The following SOS2 variants were observed in gnomAD, a reference collection of about 807,000 sequenced individuals.
The protein encoded by SOS2 is SOS Ras/Rho guanine nucleotide exchange factor 2.
In SOS2, 65 loss-of-function variants were observed where a neutral mutation model predicts 148.2. That is an observed-to-expected ratio of 0.44 (90% CI 0.36 to 0.54). The LOEUF (loss-of-function observed/expected upper bound fraction) is 0.54. SOS2 is among the 20% of genes least tolerant of loss of function. The pLI is 0.00. For synonymous variants in SOS2, 539 were observed against 537.1 expected (o/e 1.00, Z -0.05); for missense variants, 1,341 against 1,590.2 (o/e 0.84, Z 2.67).
intron 1 of SOS2, among the ~76,000 whole-genome samples, chr14:50,216,894 T>C (rs186725338): frequency 3.9e-5 from 6 of 152,330 alleles, no homozygotes; most frequent in African/African-American, 7.2e-5. Context: ...CCAAATGATC[T>C]GTAGATGCAA....
At chr14:50,220,405 C>CAAAAAAAAAAAAAAAAAAAAAAAAA (rs367829144) in intron 1 of SOS2, among the ~76,000 whole-genome samples, 1 of 30,446 alleles carries the variant, frequency 3.3e-5, no homozygotes, top group African/African-American at 1.4e-4. Flanking sequence ...GACTCCATCT[C>CAAAAAAAAAAAAAAAAAAAAAAAAA]AAAAAAAAAA....
At chr14:50,222,991 AGGTG>A (rs1308266115) in intron 1 of SOS2, among the ~76,000 whole-genome samples, 6 of 152,226 alleles carry the variant, frequency 3.9e-5, no homozygotes, top group African/African-American at 1.2e-4. Flanking sequence ...ACTTGGTTCC[AGGTG>A]GTAAAAGTCA....
At chr14:50,180,816 T>G in intron 6 of SOS2, 134 bp from the exon 7 acceptor site, 2 of 509,728 alleles carry the variant, frequency 3.9e-6, no homozygotes, top group Non-Finnish European at 6.9e-6. Context: ...ATATTCCAGC[T>G]CGAGCAACAG....
At chr14:50,215,797 T>A (rs1420473495) in intron 1 of SOS2, among the ~76,000 whole-genome samples, 1 of 152,216 alleles carries the variant, frequency 6.6e-6, no homozygotes, top group Non-Finnish European at 1.5e-5. Context: ...GCACTTTAAC[T>A]TTTTACCCTG....
intron 5 of SOS2, among the ~76,000 whole-genome samples, chr14:50,184,455 G>A (rs192467186): frequency 6.6e-6 from 1 of 152,200 alleles, no homozygotes; most frequent in Admixed American, 6.5e-5. Context: ...TATTCATAAT[G>A]AGTACCTTTG....
intron 13 of SOS2, among the ~76,000 whole-genome samples, 177 bp from the exon 14 acceptor site, chr14:50,150,407 C>G (rs1884623192): frequency 2.0e-5 from 3 of 152,134 alleles, no homozygotes; most frequent in Non-Finnish European, 4.4e-5. Context: ...GAAACAAATC[C>G]GAGACATCGT....
intron 11 of SOS2, among the ~76,000 whole-genome samples, chr14:50,158,325 T>C (rs964971910): frequency 1.3e-5 from 2 of 152,172 alleles, no homozygotes; most frequent in Non-Finnish European, 2.9e-5. Context: ...AGTGCTTTCA[T>C]CCTCTAAATT....
rs1367728022 is a variant in SOS2, at chr14:50,130,005, A to G, written c.3338-3T>C. 1 of 1,581,984 alleles carries G rather than the reference A, an allele frequency of 6.3e-7. No individual in the cohort carries two copies. Among genetic ancestry groups the G allele is most frequent in the Non-Finnish European group, 8.7e-7 (1 of 1,155,858 alleles). ...TGGAGCAAAGATGCTATTGCTGCCTATTGGAATAAGAAAAATTAATTTGAA... is the reference window on the plus strand; with the variant it reads ...TGGAGCAAAGATGCTATTGCTGCCTGTTGGAATAAGAAAAATTAATTTGAA... On this transcript the variant is annotated splice_polypyrimidine_tract_variant and splice_region_variant and intron_variant, in intron 20 of 22. Coordinates refer to ENST00000216373, the MANE Select transcript of SOS2 (RefSeq NM_006939.4).
chr14:50,153,049 T>C, intron 13 of SOS2, 21 bp downstream of exon 13: 1 of 1,189,430 alleles, frequency 8.4e-7, no homozygotes, highest in South Asian at 1.3e-5. Flanking sequence ...TAAGATTCAA[T>C]CAAACCTTTA....
At chr14:50,231,047 G>A in intron 1 of SOS2, 150 bp downstream of exon 1, 1 of 567,192 alleles carries the variant, frequency 1.8e-6, no homozygotes, top group Non-Finnish European at 2.6e-6. Flanking sequence ...CCTTCAGAAT[G>A]CAACAGGCAA....
intron 21 of SOS2, among the ~76,000 whole-genome samples, chr14:50,127,421 C>A (rs967918176): frequency 6.6e-6 from 1 of 152,110 alleles, no homozygotes. Flanking sequence ...GGATTACAGT[C>A]GTGAGCCACC....
In SOS2 at chr14:50,118,571, A is replaced by C. The variant is rs1344396759; in HGVS notation, c.3772T>G (p.Ser1258Ala). 2.5e-6 allele frequency: 4 copies of C among 1,614,100 alleles called. No individual in the cohort carries two copies. In the Admixed American group the frequency reaches 5.0e-5, roughly 20 times the overall value. Reference protein sequence around the residue: ...WLRDISTCPNSPSTPPSTPSP... With the variant: ...WLRDISTCPNAPSTPPSTPSP... ...GGTGTGCTAGGAGGAGTGCTTGGCG[A>C]ATTTGGACACGTACTAATGTCTCTG... The change falls in exon 23 of 23, where the codon TCG becomes GCG. Residue 1258 changes from serine to alanine, a missense_variant. Physicochemically the swap from Ser to Ala is moderately conservative, Grantham distance 99. This residue lies in a region of SOS2 where 354 missense variants were observed against 347.7 expected (regional missense o/e 1.02). Transcript: ENST00000216373.
intron 2 of SOS2, among the ~76,000 whole-genome samples, chr14:50,202,016 G>A (rs1886506960): frequency 6.6e-6 from 1 of 152,176 alleles, no homozygotes; most frequent in Admixed American, 6.5e-5. Context: ...AAGTGCAAGT[G>A]CAGTGGCGGG....
In SOS2 at chr14:50,204,481, A is replaced by G. The variant is rs1886599991; in HGVS notation, c.88-72T>C. On this transcript the variant is annotated intron_variant, in intron 1 of 22. Transcript: ENST00000216373. Reference sequence around the variant, plus strand: ...TTGAACAAAAGTCAAAGAGAATCTTATATATAATATTTTACTATAATGGTT... The same window carrying G: ...TTGAACAAAAGTCAAAGAGAATCTTGTATATAATATTTTACTATAATGGTT... The G allele has an allele frequency of 3.3e-6, 3 of 903,228 alleles. No homozygotes were observed. In the Admixed American group the frequency reaches 7.7e-5, roughly 23 times the overall value. 56.0% of individuals were successfully genotyped at this position (903,228 alleles called of 1,614,324 possible).
chr14:50,153,155 C>T lies in SOS2; in HGVS notation c.2076G>A (p.Arg692=). 1 of 1,595,458 alleles carries T rather than the reference C, an allele frequency of 6.3e-7. No homozygotes were observed. Among genetic ancestry groups the T allele is most frequent in the Admixed American group, 1.7e-5 (1 of 58,916 alleles). Residue 692 remains arginine (R), a synonymous_variant, in exon 13 of 23, where the codon CGG becomes CGA. Transcript: ENST00000216373. ...PVQLRILNVF[R]HWVEHHFYDF... ...CATAAAAATGATGTTCAACCCAATG[C>T]CGAAATACATTTAAGATCCTGATAA...
intron 18 of SOS2, among the ~76,000 whole-genome samples, chr14:50,136,673 T>C (rs1884091457): frequency 6.6e-6 from 1 of 151,890 alleles, no homozygotes; most frequent in Non-Finnish European, 1.5e-5. Context: ...CTCTGCAACA[T>C]TTGCCTTCTG....
rs370600053 is a variant in SOS2 at position 50,159,614 on chromosome 14, A to G, written c.1669T>C (p.Leu557=). The G allele has an allele frequency of 3.1e-6, 5 of 1,613,900 alleles. No individual in the cohort carries two copies. Among genetic ancestry groups the G allele is most frequent in the East Asian group, 4.5e-5 (2 of 44,874 alleles). The stretch of plus-strand genomic sequence containing the variant: ...AGTGGTTGCTCATTTTCTTCTTTCA[A>G]TAATACTGAATCTAACATTCGATCT... The part of the protein sequence containing the change: ...TLDRMLDSVL[L]KEENEQPLRL... Residue 557 remains leucine (L), a synonymous_variant, in exon 10 of 23, where the codon TTG becomes CTG. Coordinates refer to ENST00000216373, the MANE Select transcript of SOS2 (RefSeq NM_006939.4).
chr14:50,123,951 A>C (rs1883605580), intron 21 of SOS2, among the ~76,000 whole-genome samples: 1 of 152,174 alleles, frequency 6.6e-6, no homozygotes. Flanking sequence ...GAGAAGTAAA[A>C]GATACTTCTA....
chr14:50,159,138 A>G (rs890115386), intron 10 of SOS2, among the ~76,000 whole-genome samples: 12 of 151,958 alleles, frequency 7.9e-5, no homozygotes, highest in Non-Finnish European at 1.3e-4. Flanking sequence ...TGCAGTGAGC[A>G]GAGATAGCGC....
Sources: gnomAD v4.1 joint callset for allele counts (sites outside exome capture counted in the v4.1 genomes callset) on GRCh38, gnomAD v4.1.1 for gene constraint, gnomAD v4.1.1 regional missense constraint, MANE v1.5 for transcripts, NCBI Gene and HGNC (gene_info 2026-07-23, HGNC 2026-07-21) for gene names.